Variants in PCDHGA5 observed in about 807,000 individuals in gnomAD.
PCDHGA5 encodes the protein protocadherin gamma-A5.
In PCDHGA5, 36 loss-of-function variants were observed where a neutral mutation model predicts 56.7. The ratio of observed to expected loss-of-function variants is 0.64; its 90% CI spans 0.49 to 0.84. The LOEUF is 0.84. Among genes scored for constraint, PCDHGA5 ranks in the 40% least tolerant of loss-of-function variants. The probability of loss-of-function intolerance (pLI) is 0.00; values close to 1 mark genes in which losing one functional copy is unlikely to be tolerated. For synonymous variants in PCDHGA5, 563 were observed against 520.2 expected (o/e 1.08, Z -1.12); for missense variants, 1,305 against 1,201.5 (o/e 1.09, Z -1.27).
rs2093964070 is a variant in PCDHGA5, at chr5:141,400,115, G to A, written c.2421+33364G>A. On this transcript the variant is annotated intron_variant, in intron 1 of 3. Coordinates refer to ENST00000518069, the MANE Select transcript of PCDHGA5 (RefSeq NM_018918.3). ...ACGCTGCACTTGGTCTTTGCTGACA[G>A]CTTGCAGGAGGTGCTGCCGGATATC... The A allele has an allele frequency of 1.9e-6, 3 of 1,613,966 alleles. No individual in the cohort carries two copies. The African/African-American group carries it at 4.0e-5, about 22-fold the overall frequency.
At chr5:141,408,563 G>T (rs1266893654) in intron 1 of PCDHGA5, 1 of 1,614,040 alleles carries the variant, frequency 6.2e-7, no homozygotes, top group South Asian at 1.1e-5. Flanking sequence ...TCATGTCATT[G>T]TGGTGATTGA....
chr5:141,481,183 G>A (rs2099533234), intron 1 of PCDHGA5, among the ~76,000 whole-genome samples: 1 of 152,146 alleles, frequency 6.6e-6, no homozygotes, highest in African/African-American at 2.4e-5. Flanking sequence ...GCTTTATTGG[G>A]CCAGGCCCAA....
intron 1 of PCDHGA5, among the ~76,000 whole-genome samples, chr5:141,451,788 A>C (rs531473040): frequency 6.6e-6 from 1 of 152,140 alleles, no homozygotes; most frequent in African/African-American, 2.4e-5. Flanking sequence ...GGCTGAGGCC[A>C]GAGAATTGCT....
chr5:141,492,398 C>T (rs1347317333), intron 1 of PCDHGA5, among the ~76,000 whole-genome samples: 2 of 152,244 alleles, frequency 1.3e-5, no homozygotes, highest in Non-Finnish European at 1.5e-5. Flanking sequence ...CCACTCGCAG[C>T]TCCCCTCTGC....
intron 1 of PCDHGA5, chr5:141,427,415 T>G: frequency 2.1e-6 from 1 of 465,414 alleles, no homozygotes; most frequent in Non-Finnish European, 4.3e-6. Context: ...CGAGAGAAAA[T>G]GGGGAGGTTA....
At chr5:141,435,994 G>T (rs1007093302) in intron 1 of PCDHGA5, among the ~76,000 whole-genome samples, 18 of 152,046 alleles carry the variant, frequency 1.2e-4, no homozygotes, top group Admixed American at 1.2e-3. Context: ...GTGATTTTTT[G>T]AAAGAAAGTA....
In PCDHGA5 at chr5:141,366,618, C is replaced by A; in HGVS notation, c.2288C>A (p.Ser763Ter). The A allele has an allele frequency of 6.2e-7, 1 of 1,614,232 alleles. No homozygotes were observed. The highest frequency in any genetic ancestry group is 8.5e-7 in the Non-Finnish European group (1 of 1,180,048). ...YSHEVSLTAD[S>*]RKSHLIFPQP... ...CACGAGGTCTCCCTCACCGCGGACTCGAGGAAGAGTCACCTGATCTTTCCC... is the reference window on the plus strand; with the variant it reads ...CACGAGGTCTCCCTCACCGCGGACTAGAGGAAGAGTCACCTGATCTTTCCC... The change falls in exon 1 of 4, where the codon TCG becomes TAG. Residue 763 changes from serine (S) to a stop codon, truncating the protein, a stop_gained. Transcript: ENST00000518069. LOFTEE classifies it high-confidence loss of function.
intron 2 of PCDHGA5, 103 bp from the exon 3 acceptor site, chr5:141,505,290 G>A: frequency 3.2e-6 from 5 of 1,564,680 alleles, no homozygotes; most frequent in Non-Finnish European, 4.3e-6. Context: ...TTGGGCATGG[G>A]GTAGGGTTAG....
intron 1 of PCDHGA5, chr5:141,383,948 C>T (rs199642192): frequency 3.1e-6 from 5 of 1,613,482 alleles, no homozygotes; most frequent in East Asian, 4.5e-5. Context: ...GTGACTATGA[C>T]GTCTTTAAGT....
rs753473913 is a variant in PCDHGA5 at position 141,503,323 on chromosome 5, G to A, written c.2481-2070G>A. On this transcript the variant is annotated intron_variant, in intron 2 of 3. Transcript: ENST00000518069. The stretch of plus-strand genomic sequence containing the variant: ...CTCAAGAAAGAATTGTTGGAGGGGC[G>A]CGGTGGCTCACGCCTGTAATTCCAG... Among the ~76,000 whole-genome samples the A allele has an allele frequency of 2.0e-5, 3 of 152,214 alleles. No individual in the cohort carries two copies. In the Middle Eastern group the frequency reaches 0.01, roughly 518 times the overall value.
intron 1 of PCDHGA5, chr5:141,408,845 T>C (rs560368079): frequency 1.9e-6 from 3 of 1,613,670 alleles, no homozygotes; most frequent in Non-Finnish European, 8.5e-7. Flanking sequence ...ATTGACTGCC[T>C]TGGACGGAGG....
rs748045143 is a variant in PCDHGA5 at position 141,364,549 on chromosome 5, GC to G, written c.220del (p.Leu74PhefsTer4). On this transcript the variant is annotated frameshift_variant, in exon 1 of 4. Coordinates refer to ENST00000518069, the MANE Select transcript of PCDHGA5 (RefSeq NM_018918.3). LOFTEE classifies it high-confidence loss of function. ...GCATCGTCTCCAGAGGTAGGACGCAGCTTTTTGCCCTGAACCCGCGAAGCGG... is the reference window on the plus strand; with the variant it reads ...GCATCGTCTCCAGAGGTAGGACGCAGTTTTTGCCCTGAACCCGCGAAGCGG... The part of the protein sequence containing the change: ...VRIVSRGRTQ[L>X]FALNPRSGSL... 1.5e-5 allele frequency: 25 copies of G among 1,614,000 alleles called. No individual in the cohort carries two copies. The highest frequency in any genetic ancestry group is 1.4e-4 in the South Asian group (13 of 91,092).
chr5:141,375,981 T>A, intron 1 of PCDHGA5: 1 of 1,613,410 alleles, frequency 6.2e-7, no homozygotes, highest in Non-Finnish European at 8.5e-7. Flanking sequence ...CGCGCCCTGC[T>A]GGACAGAGAC....
intron 1 of PCDHGA5, among the ~76,000 whole-genome samples, chr5:141,456,729 C>T (rs1337183677): frequency 6.6e-6 from 1 of 152,158 alleles, no homozygotes; most frequent in Non-Finnish European, 1.5e-5. Context: ...CTTTGGGAGG[C>T]TGAGGCGGGA....
At position 141,476,581 on chromosome 5, in the gene PCDHGA5, G is replaced by A. The variant is rs1393235114; in HGVS notation, c.2422-18226G>A. The A allele has an allele frequency of 5.0e-6, 8 of 1,614,230 alleles. No individual in the cohort carries two copies. The highest frequency in any genetic ancestry group is 6.8e-6 in the Non-Finnish European group (8 of 1,180,042). ...CCGTGGCTCCGGGGACGCGCTTTCC[G>A]CTCGAGAGCGCGCACGATCCCGATG... On this transcript the variant is annotated intron_variant, in intron 1 of 3. Transcript: ENST00000518069. This position sits in a 1 kb window ranked among gnomAD's most constrained non-coding sequence, Gnocchi z 7.6.
At chr5:141,421,967 T>C (rs760789458) in intron 1 of PCDHGA5, 2 of 1,611,174 alleles carry the variant, frequency 1.2e-6, no homozygotes, top group Admixed American at 3.4e-5. Flanking sequence ...ACACAGTCCG[T>C]ATATCGCGTG....
At position 141,432,816 on chromosome 5, in the gene PCDHGA5, C is replaced by A. The variant is rs778545682; in HGVS notation, c.2422-61991C>A. Reference sequence around the variant, plus strand: ...CTCGAGTCTCCAGCTAACTCTGAAACCTCAGACCTCACTCTGTACCTGGTG... The same window carrying A: ...CTCGAGTCTCCAGCTAACTCTGAAAACTCAGACCTCACTCTGTACCTGGTG... On this transcript the variant is annotated intron_variant, in intron 1 of 3. Transcript: ENST00000518069. The surrounding 1 kb of genome is among the most constrained non-coding windows in gnomAD (Gnocchi z 6.0). The A allele has an allele frequency of 7.6e-5, 122 of 1,614,044 alleles. No individual in the cohort carries two copies. The highest frequency in any genetic ancestry group is 3.3e-5 in the Admixed American group (2 of 60,012).
chr5:141,399,831 TG>T (rs1368149251), intron 1 of PCDHGA5: 1 of 1,613,172 alleles, frequency 6.2e-7, no homozygotes, highest in South Asian at 1.1e-5. Flanking sequence ...CCGACGGCTC[TG>T]CGCTCTTCGA....
At chr5:141,460,159 T>A (rs1313260289) in intron 1 of PCDHGA5, among the ~76,000 whole-genome samples, 3 of 152,260 alleles carry the variant, frequency 2.0e-5, no homozygotes, top group Non-Finnish European at 1.5e-5. Context: ...CTTTGTCACA[T>A]ACATATTTTG....
Sources: gnomAD v4.1 joint callset for allele counts (sites outside exome capture counted in the v4.1 genomes callset) on GRCh38, gnomAD v4.1.1 for gene constraint, Gnocchi (gnomAD v3.1) non-coding constraint, MANE v1.5 for transcripts, NCBI Gene and HGNC (gene_info 2026-07-23, HGNC 2026-07-21) for gene names.